The following PPDPFL variants were observed in gnomAD, a reference collection of about 807,000 sequenced individuals.
PPDPFL encodes pancreatic progenitor cell differentiation and proliferation factor like.
A neutral mutation model predicts 12.6 loss-of-function variants in PPDPFL; 12 were observed. The observed-to-expected ratio is 0.95, with a 90% CI of 0.61 to 1.54. PPDPFL has a LOEUF of 1.54. Ranked by LOEUF, PPDPFL falls within the 40% of genes most tolerant of loss-of-function variation. The pLI is 0.00. For missense variants in PPDPFL, 114 were observed against 96.0 expected, an observed-to-expected ratio of 1.19 and a Z score of -0.78; for synonymous variants, 24 against 32.7, an observed-to-expected ratio of 0.73 and a Z score of 0.91.
upstream of PPDPFL, among the ~76,000 whole-genome samples, chr8:49,068,528 T>C (rs1450507830): frequency 1.3e-5 from 2 of 152,140 alleles, no homozygotes; most frequent in Non-Finnish European, 2.9e-5. Flanking sequence ...CAACCAAGAC[T>C]TCACAGTAAT....
chr8:49,071,082 T>C (rs956270284), upstream of PPDPFL, among the ~76,000 whole-genome samples: 5 of 152,168 alleles, frequency 3.3e-5, no homozygotes, highest in Admixed American at 2.0e-4. Context: ...TCTGTTTCAG[T>C]TTTTTAGATT....
chr8:49,055,801 T>G (rs1808103554), intron 1 of PPDPFL, among the ~76,000 whole-genome samples: 1 of 152,088 alleles, frequency 6.6e-6, no homozygotes, highest in South Asian at 2.1e-4. Context: ...CAGTCTCTCC[T>G]TTACCAGTTG....
At chr8:49,074,683 T>C in intron 4 of PPDPFL, 1 of 1,490,904 alleles carries the variant, frequency 6.7e-7, no homozygotes, top group South Asian at 1.3e-5. Context: ...TGTCTAGTTG[T>C]TGTCTTAAAT....
Position 49,064,729 on chromosome 8 carries a change from A to T in PPDPFL, c.-44-8058A>T, listed in dbSNP as rs149960372. On this transcript the variant is annotated intron_variant, in intron 1 of 4. Transcript: ENST00000517663. ...AGAGCCTGAGTTCCTACAGTCAGATAATCAGATGCACTCTGCATTTCATAG... is the reference window on the plus strand; with the variant it reads ...AGAGCCTGAGTTCCTACAGTCAGATTATCAGATGCACTCTGCATTTCATAG... 5.0e-3 allele frequency among the ~76,000 whole-genome samples: 758 copies of T among 152,336 alleles called. 2 individuals carry two copies. The highest frequency in any genetic ancestry group is 8.7e-3 in the Non-Finnish European group (591 of 68,026).
chr8:49,063,761 A>G (rs1563298739), intron 1 of PPDPFL, among the ~76,000 whole-genome samples: 1 of 152,116 alleles, frequency 6.6e-6, no homozygotes, highest in African/African-American at 2.4e-5. Flanking sequence ...GCTGCCATTT[A>G]ATTTAACTAC....
upstream of PPDPFL, among the ~76,000 whole-genome samples, chr8:49,067,895 T>C (rs1421867483): frequency 2.6e-5 from 4 of 152,146 alleles, no homozygotes; most frequent in Admixed American, 6.6e-5. Context: ...CATTATCAAA[T>C]AAAAATGTTA....
intron 1 of PPDPFL, among the ~76,000 whole-genome samples, chr8:49,066,685 A>G (rs1808305879): frequency 6.6e-6 from 1 of 152,186 alleles, no homozygotes; most frequent in Admixed American, 6.5e-5. Context: ...GCCTTCTTCT[A>G]GATAAGAACA....
At chr8:49,070,870 A>G (rs1356778151), upstream of PPDPFL, among the ~76,000 whole-genome samples, 2 of 151,888 alleles carry the variant, frequency 1.3e-5, no homozygotes, top group Non-Finnish European at 1.5e-5. Flanking sequence ...GTATGTGTGC[A>G]TGAGTGTGTG....
chr8:49,060,873 T>G lies in PPDPFL; in HGVS notation c.-45+6504T>G, dbSNP rs138349312. Among the ~76,000 whole-genome samples, 112 of 152,256 alleles carry G rather than the reference T, an allele frequency of 7.4e-4. No homozygotes were observed. The East Asian group carries it at 0.021, about 28-fold the overall frequency. On this transcript the variant is annotated intron_variant, in intron 1 of 4. Coordinates refer to the PPDPFL transcript ENST00000517663. ...TTCGTGTTTGAAATCTTACTTATAA[T>G]TGGTAAATTGTCTAAGTGATATCAT...
intron 1 of PPDPFL, among the ~76,000 whole-genome samples, chr8:49,056,626 G>A (rs1020981480): frequency 1.3e-5 from 2 of 152,136 alleles, no homozygotes; most frequent in Non-Finnish European, 2.9e-5. Context: ...TCTGTGCAGT[G>A]AGCCTGCCAG....
chr8:49,058,572 CTAATAT>C, intron 1 of PPDPFL, among the ~76,000 whole-genome samples: 1 of 152,142 alleles, frequency 6.6e-6, no homozygotes, highest in African/African-American at 2.4e-5. Flanking sequence ...ATTCTGAATG[CTAATAT>C]GACAAGGATT....
chr8:49,063,871 C>G (rs1808253399), intron 1 of PPDPFL, among the ~76,000 whole-genome samples: 2 of 152,162 alleles, frequency 1.3e-5, no homozygotes. Context: ...GTGTCACAAG[C>G]TTCTAGGTTT....
intron 1 of PPDPFL, among the ~76,000 whole-genome samples, chr8:49,061,757 A>G (rs963433536): frequency 5.3e-5 from 8 of 152,310 alleles, no homozygotes; most frequent in Middle Eastern, 3.4e-3. Context: ...ATGATAAAAA[A>G]GCTGAGGAGT....
upstream of PPDPFL, among the ~76,000 whole-genome samples, chr8:49,072,147 T>C (rs1004688653): frequency 1.4e-4 from 22 of 152,258 alleles, no homozygotes; most frequent in African/African-American, 5.3e-4. Flanking sequence ...GCCAAGTCCT[T>C]CCCTGCTGAC....
At chr8:49,060,834 C>T (rs1808189242) in intron 1 of PPDPFL, among the ~76,000 whole-genome samples, 1 of 152,056 alleles carries the variant, frequency 6.6e-6, no homozygotes, top group Non-Finnish European at 1.5e-5. Context: ...AAACTTTTTT[C>T]CCTTAGCATA....
intron 1 of PPDPFL, among the ~76,000 whole-genome samples, chr8:49,055,207 A>G (rs56184134): frequency 6.6e-6 from 1 of 151,664 alleles, no homozygotes; most frequent in African/African-American, 2.4e-5. Flanking sequence ...CCTGCTCCTA[A>G]TTGCTACAGT....
chr8:49,059,505 C>T (rs1030117386), intron 1 of PPDPFL, among the ~76,000 whole-genome samples: 6 of 152,176 alleles, frequency 3.9e-5, no homozygotes, highest in African/African-American at 1.4e-4. Context: ...AGGTAGAAGA[C>T]TGACTTATTT....
At chr8:49,063,693 G>T (rs1808249104) in intron 1 of PPDPFL, among the ~76,000 whole-genome samples, 1 of 152,030 alleles carries the variant, frequency 6.6e-6, no homozygotes, top group Admixed American at 6.6e-5. Context: ...ACTCCAGCCT[G>T]GGTGTCAGAG....
At chr8:49,060,851 G>A (rs1039476461) in intron 1 of PPDPFL, among the ~76,000 whole-genome samples, 10 of 152,050 alleles carry the variant, frequency 6.6e-5, no homozygotes, top group East Asian at 1.9e-4. Flanking sequence ...CATACATTTC[G>A]TGTTTGAAAT....
Sources: allele counts gnomAD v4.1 joint callset (sites outside exome capture counted in the v4.1 genomes callset), GRCh38; gene constraint gnomAD v4.1.1; transcripts MANE v1.5; gene names NCBI Gene and HGNC (gene_info 2026-07-23, HGNC 2026-07-21).